The following LPAR3 variants were observed in gnomAD, a reference collection of about 807,000 sequenced individuals.
The protein encoded by LPAR3 is lysophosphatidic acid receptor 3.
In LPAR3, 7 loss-of-function variants were observed where a neutral mutation model predicts 17.8. That is an observed-to-expected ratio of 0.39 (90% confidence interval 0.22 to 0.74). LPAR3 has a LOEUF of 0.74. LPAR3 is among the 30% of genes least tolerant of loss of function. LPAR3 has a pLI of 0.40. For synonymous variants in LPAR3, 179 were observed against 179.9 expected (o/e 0.99, Z 0.04); for missense variants, 391 against 453.4 (o/e 0.86, Z 1.25).
intron 2 of LPAR3, among the ~76,000 whole-genome samples, chr1:84,851,651 T>C (rs1314563040): frequency 6.6e-6 from 1 of 152,174 alleles, no homozygotes; most frequent in African/African-American, 2.4e-5. Flanking sequence ...TTGAGTCGGA[T>C]CTTGAAAGAT....
chr1:84,881,667 G>A (rs1660366987), intron 1 of LPAR3, among the ~76,000 whole-genome samples: 1 of 152,104 alleles, frequency 6.6e-6, no homozygotes, highest in Admixed American at 6.5e-5. Context: ...TGGGCTCAGT[G>A]CTGCAGTGAC....
intron 2 of LPAR3, among the ~76,000 whole-genome samples, chr1:84,823,724 T>C (rs1659099536): frequency 6.6e-6 from 1 of 152,156 alleles, no homozygotes; most frequent in African/African-American, 2.4e-5. Context: ...GAAAACACCA[T>C]CTCCACCTCC....
chr1:84,873,902 G>A (rs12026848), intron 1 of LPAR3, among the ~76,000 whole-genome samples: 14,211 of 151,922 alleles, frequency 0.094, 867 homozygotes, highest in Admixed American at 0.21. Context: ...ACAGGCGCCC[G>A]CCACCATGCT....
chr1:84,870,769 G>A (rs1660144672), intron 1 of LPAR3, among the ~76,000 whole-genome samples: 1 of 152,130 alleles, frequency 6.6e-6, no homozygotes, highest in African/African-American at 2.4e-5. Flanking sequence ...GGGAGACCCT[G>A]GATTCTATTC....
At chr1:84,850,393 CA>C (rs561506398) in intron 2 of LPAR3, among the ~76,000 whole-genome samples, 1,920 of 38,732 alleles carry the variant, frequency 0.05, 12 homozygotes, top group South Asian at 0.13. Flanking sequence ...TCTGTCTCTA[CA>C]AAAAAAAAAA....
intron 2 of LPAR3, among the ~76,000 whole-genome samples, chr1:84,821,690 C>G (rs750617263): frequency 5.3e-5 from 8 of 152,138 alleles, no homozygotes; most frequent in Non-Finnish European, 1.0e-4. Context: ...GGAGATTCAT[C>G]TGAAGACTAG....
At chr1:84,823,503 A>T (rs1447926246) in intron 2 of LPAR3, among the ~76,000 whole-genome samples, 2 of 152,204 alleles carry the variant, frequency 1.3e-5, no homozygotes, top group Non-Finnish European at 2.9e-5. Context: ...CACTATCGTT[A>T]CTAGTGTTGG....
intron 2 of LPAR3, among the ~76,000 whole-genome samples, chr1:84,814,947 A>G (rs1378808428): frequency 6.6e-6 from 1 of 152,154 alleles, no homozygotes; most frequent in African/African-American, 2.4e-5. Flanking sequence ...CCTTATCTCT[A>G]AATTTCATGA....
chr1:84,871,076 C>G, intron 1 of LPAR3, among the ~76,000 whole-genome samples: 1 of 152,052 alleles, frequency 6.6e-6, no homozygotes, highest in East Asian at 1.9e-4. Flanking sequence ...ATTTCAGGAC[C>G]AGGTTAACAT....
chr1:84,857,249 G>A (rs1028460185), intron 2 of LPAR3, among the ~76,000 whole-genome samples: 1 of 152,142 alleles, frequency 6.6e-6, no homozygotes. Context: ...ATCAAACTAA[G>A]GTCTAAGAGT....
intron 1 of LPAR3, among the ~76,000 whole-genome samples, chr1:84,873,080 G>A (rs1043027103): frequency 2.6e-5 from 4 of 152,086 alleles, no homozygotes; most frequent in Non-Finnish European, 5.9e-5. Context: ...AAGAAAACCT[G>A]AAAAACGGTC....
At chr1:84,859,087 G>A (rs1002609371) in intron 2 of LPAR3, among the ~76,000 whole-genome samples, 3 of 152,072 alleles carry the variant, frequency 2.0e-5, no homozygotes, top group Admixed American at 6.5e-5. Flanking sequence ...CAGGAAAATC[G>A]GATAATAATA....
chr1:84,876,079 G>A (rs1660250912), intron 1 of LPAR3, among the ~76,000 whole-genome samples: 1 of 152,188 alleles, frequency 6.6e-6, no homozygotes, highest in Admixed American at 6.5e-5. Context: ...TACTAAAGAA[G>A]AGCACTGTTA....
At chr1:84,818,537 A>G (rs1247415634) in intron 2 of LPAR3, among the ~76,000 whole-genome samples, 2 of 152,230 alleles carry the variant, frequency 1.3e-5, no homozygotes, top group African/African-American at 4.8e-5. Flanking sequence ...AGGGGGGTGT[A>G]TTATATTATT....
At chr1:84,880,949 G>T (rs951375521) in intron 1 of LPAR3, among the ~76,000 whole-genome samples, 5 of 152,184 alleles carry the variant, frequency 3.3e-5, no homozygotes, top group African/African-American at 1.2e-4. Flanking sequence ...GGGCAGGGAG[G>T]TCTTAATAAT....
chr1:84,870,487 G>A (rs1660139770), intron 1 of LPAR3, among the ~76,000 whole-genome samples: 1 of 152,162 alleles, frequency 6.6e-6, no homozygotes, highest in African/African-American at 2.4e-5. Context: ...TGCCTTTGCT[G>A]ACTTATACAT....
intron 2 of LPAR3, among the ~76,000 whole-genome samples, chr1:84,837,384 A>C (rs1233158524): frequency 6.6e-6 from 1 of 152,186 alleles, no homozygotes; most frequent in Non-Finnish European, 1.5e-5. Context: ...AAGAAAGAAA[A>C]TTCCCCTAGG....
At chr1:84,849,072 A>G (rs984717282) in intron 2 of LPAR3, among the ~76,000 whole-genome samples, 8 of 152,298 alleles carry the variant, frequency 5.3e-5, no homozygotes, top group African/African-American at 1.9e-4. Context: ...GGGAAGAGTT[A>G]TTTAACTTGT....
intron 1 of LPAR3, among the ~76,000 whole-genome samples, chr1:84,881,663 C>T (rs976248861): frequency 2.0e-5 from 3 of 152,106 alleles, no homozygotes; most frequent in Admixed American, 2.0e-4. Flanking sequence ...AGTATGGGCT[C>T]AGTGCTGCAG....
Sources: allele counts gnomAD v4.1 joint callset (sites outside exome capture counted in the v4.1 genomes callset), GRCh38; gene constraint gnomAD v4.1.1; transcripts MANE v1.5; gene names NCBI Gene and HGNC (gene_info 2026-07-23, HGNC 2026-07-21).